Variants in CHRM3 observed in about 807,000 individuals in gnomAD.
CHRM3 encodes the protein cholinergic receptor muscarinic 3, also known as muscarinic acetylcholine receptor M3.
In CHRM3, 11 loss-of-function variants were observed where a neutral mutation model predicts 41.8. The ratio of observed to expected loss-of-function variants is 0.26; its 90% CI spans 0.17 to 0.44. The LOEUF is 0.44. Among genes scored for constraint, CHRM3 ranks in the 20% least tolerant of loss-of-function variants. The pLI is 1.00. For synonymous variants in CHRM3, 297 were observed against 301.4 expected, an observed-to-expected ratio of 0.99 and a Z score of 0.15; for missense variants, 571 against 745.4, an observed-to-expected ratio of 0.77 and a Z score of 2.72.
intron 5 of CHRM3, among the ~76,000 whole-genome samples, chr1:239,767,974 T>C (rs948539844): frequency 1.4e-4 from 22 of 152,316 alleles, no homozygotes; most frequent in South Asian, 8.3e-4. Context: ...TCAATGCTAC[T>C]GGTCCATAGG....
chr1:239,653,643 G>C (rs540654666), intron 4 of CHRM3, among the ~76,000 whole-genome samples: 1 of 152,146 alleles, frequency 6.6e-6, no homozygotes, highest in Admixed American at 6.5e-5. Context: ...GCATTCTGCC[G>C]TTTACCTTAT....
intron 1 of CHRM3, among the ~76,000 whole-genome samples, chr1:239,478,525 G>A (rs936081716): frequency 1.1e-4 from 17 of 152,144 alleles, no homozygotes; most frequent in African/African-American, 3.6e-4. Flanking sequence ...AGAAAAGGTA[G>A]ACAATGTGAA....
intron 5 of CHRM3, among the ~76,000 whole-genome samples, chr1:239,805,368 C>G (rs892230086): frequency 1.4e-4 from 21 of 152,150 alleles, no homozygotes; most frequent in African/African-American, 4.8e-4. Context: ...CTTCACTTAC[C>G]CATATCCACT....
At chr1:239,425,437 TAAA>T (rs374556598) in intron 1 of CHRM3, among the ~76,000 whole-genome samples, 1 of 146,852 alleles carries the variant, frequency 6.8e-6, no homozygotes, top group Non-Finnish European at 1.5e-5. Flanking sequence ...CTTACCAAAG[TAAA>T]AAAAAAAACT....
At chr1:239,418,333 TTG>T (rs145265251) in intron 1 of CHRM3, among the ~76,000 whole-genome samples, 1,993 of 150,208 alleles carry the variant, frequency 0.013, 40 homozygotes, top group African/African-American at 0.042. Flanking sequence ...AGATGTTGCT[TTG>T]TGTGTGTGTG....
chr1:239,783,927 T>C (rs1668696768), intron 5 of CHRM3, among the ~76,000 whole-genome samples: 1 of 152,204 alleles, frequency 6.6e-6, no homozygotes, highest in African/African-American at 2.4e-5. Context: ...GTAGTCAATG[T>C]TTAGTTCCCT....
intron 3 of CHRM3, among the ~76,000 whole-genome samples, chr1:239,607,640 T>G (rs1666497342): frequency 6.6e-6 from 1 of 152,144 alleles, no homozygotes; most frequent in African/African-American, 2.4e-5. Flanking sequence ...AAAATACTAT[T>G]AATATGAAAA....
chr1:239,676,917 A>C (rs1658058907), intron 4 of CHRM3, among the ~76,000 whole-genome samples: 1 of 152,154 alleles, frequency 6.6e-6, no homozygotes, highest in African/African-American at 2.4e-5. Context: ...CGTGTGCATA[A>C]GTTTGATTTT....
At chr1:239,443,024 C>T (rs939012622) in intron 1 of CHRM3, among the ~76,000 whole-genome samples, 2 of 152,148 alleles carry the variant, frequency 1.3e-5, no homozygotes, top group Admixed American at 6.5e-5. Flanking sequence ...CTATCCTTAA[C>T]GTTTTTATTT....
chr1:239,826,469 A>G (rs1380723233), intron 5 of CHRM3, among the ~76,000 whole-genome samples: 1 of 152,200 alleles, frequency 6.6e-6, no homozygotes, highest in African/African-American at 2.4e-5. Flanking sequence ...CTCTGGTTTC[A>G]GTATTATGTG....
chr1:239,845,816 C>T (rs1674216553), intron 6 of CHRM3, among the ~76,000 whole-genome samples: 3 of 152,222 alleles, frequency 2.0e-5, no homozygotes, highest in African/African-American at 7.2e-5. Flanking sequence ...CATGGCCAGC[C>T]ATTCACTTTC....
At chr1:239,845,477 G>A (rs780683945) in intron 6 of CHRM3, among the ~76,000 whole-genome samples, 1 of 152,148 alleles carries the variant, frequency 6.6e-6, no homozygotes, top group Admixed American at 6.5e-5. Context: ...TGAAAGTCTT[G>A]TGTCTCCAGA....
intron 5 of CHRM3, among the ~76,000 whole-genome samples, chr1:239,697,302 C>G (rs373048777): frequency 6.6e-6 from 1 of 152,064 alleles, no homozygotes; most frequent in Non-Finnish European, 1.5e-5. Flanking sequence ...CAAGTTTCCC[C>G]GCACAAGCTC....
At chr1:239,718,498 T>G (rs1041447709) in intron 5 of CHRM3, among the ~76,000 whole-genome samples, 2 of 152,010 alleles carry the variant, frequency 1.3e-5, no homozygotes, top group Admixed American at 6.6e-5. Flanking sequence ...TATATAATAC[T>G]CTGGGTCAGG....
At chr1:239,741,559 AC>A (rs1291587083) in intron 5 of CHRM3, among the ~76,000 whole-genome samples, 4 of 152,130 alleles carry the variant, frequency 2.6e-5, no homozygotes, top group African/African-American at 9.7e-5. Context: ...GTTAGGGTAG[AC>A]TGTCCTAAAC....
chr1:239,823,476 C>T (rs1024949005), intron 5 of CHRM3, among the ~76,000 whole-genome samples: 1 of 152,120 alleles, frequency 6.6e-6, no homozygotes, highest in African/African-American at 2.4e-5. Flanking sequence ...CCGGCTTATG[C>T]TGGTTTTCTA....
chr1:239,471,959 T>G (rs80312496), intron 1 of CHRM3, among the ~76,000 whole-genome samples: 1,604 of 152,290 alleles, frequency 0.011, 12 homozygotes, highest in Non-Finnish European at 0.018. Flanking sequence ...CAATTTTTTT[T>G]TTGTTGTTGT....
intron 5 of CHRM3, among the ~76,000 whole-genome samples, chr1:239,771,502 G>T (rs1241178141): frequency 2.0e-5 from 3 of 152,188 alleles, no homozygotes; most frequent in Non-Finnish European, 2.9e-5. Flanking sequence ...TGAGCACAAA[G>T]ATGTATCAGG....
Position 239,875,024 on chromosome 1 carries a change from C to T in CHRM3, c.-19-32409C>T, listed in dbSNP as rs141264725. Among the ~76,000 whole-genome samples the T allele has an allele frequency of 2.2e-3, 340 of 152,228 alleles. 2 individuals carry two copies. Among genetic ancestry groups the T allele is most frequent in the African/African-American group, 5.8e-3 (243 of 41,550 alleles). ...GCCATTACTTTTAAATGGCAAAAAA[C>T]GCAATTACTTTTGCACCAACCCAAT... On this transcript the variant is annotated intron_variant, in intron 6 of 6. Coordinates refer to ENST00000676153, the MANE Select transcript of CHRM3 (RefSeq NM_001375978.1).
Sources: allele counts gnomAD v4.1 joint callset (sites outside exome capture counted in the v4.1 genomes callset), GRCh38; gene constraint gnomAD v4.1.1; transcripts MANE v1.5; gene names NCBI Gene and HGNC (gene_info 2026-07-23, HGNC 2026-07-21).